Variants in ANK1 observed in about 807,000 individuals in gnomAD.
ANK1 encodes the protein ankyrin 1.
In ANK1, 51 loss-of-function variants were observed where a neutral mutation model predicts 210.4. That is an observed-to-expected ratio of 0.24 (90% CI 0.19 to 0.31). The LOEUF (loss-of-function observed/expected upper bound fraction) is 0.31. ANK1 is among the 10% of genes least tolerant of loss of function. ANK1 has a pLI of 1.00. For synonymous variants in ANK1, 967 were observed against 1,025.9 expected (o/e 0.94, Z 1.10); for missense variants, 2,051 against 2,504.4 (o/e 0.82, Z 3.86).
At chr8:41,789,496 C>T (rs191380982) in intron 1 of ANK1, among the ~76,000 whole-genome samples, 1 of 152,342 alleles carries the variant, frequency 6.6e-6, no homozygotes, top group Admixed American at 6.5e-5. Context: ...GTCAGGCACT[C>T]TGGCTGCGGT....
intron 1 of ANK1, among the ~76,000 whole-genome samples, chr8:41,860,836 G>A (rs1407113426): frequency 6.6e-6 from 1 of 152,208 alleles, no homozygotes; most frequent in Non-Finnish European, 1.5e-5. Context: ...CAGGGCCTGA[G>A]CGCCTCCCCT....
intron 1 of ANK1, among the ~76,000 whole-genome samples, chr8:41,876,245 G>T (rs1381488049): frequency 6.6e-6 from 1 of 151,776 alleles, no homozygotes; most frequent in Admixed American, 6.6e-5. Context: ...CTCCAGCCGC[G>T]GCACCCTGGC....
chr8:41,680,431 C>T lies in ANK1; in HGVS notation c.4537+4113G>A, dbSNP rs188661849. Among the ~76,000 whole-genome samples the T allele has an allele frequency of 4.3e-3, 657 of 152,040 alleles. 4 individuals are homozygous for T. The highest frequency in any genetic ancestry group is 0.014 in the African/African-American group (583 of 41,434). ...TATAAAAATTATCTGGGTATGGTGG[C>T]GGGCACCTGTAGTCCCAGCTACTCG... is the stretch of plus-strand genomic sequence containing the variant. On this transcript the variant is annotated intron_variant, in intron 37 of 42. Transcript: ENST00000289734.
intron 1 of ANK1, among the ~76,000 whole-genome samples, chr8:41,765,990 G>A (rs1167233593): frequency 1.3e-5 from 2 of 152,166 alleles, no homozygotes; most frequent in African/African-American, 2.4e-5. Flanking sequence ...GACAAATCAT[G>A]ACTGACCTCA....
At chr8:41,670,397 C>T (rs938639689) in intron 38 of ANK1, among the ~76,000 whole-genome samples, 1 of 152,016 alleles carries the variant, frequency 6.6e-6, no homozygotes, top group Non-Finnish European at 1.5e-5. Context: ...CGTTCATGAA[C>T]CCAGTTAGCA....
rs143137281 is a variant in ANK1, at chr8:41,831,639, CAAAA to C, written c.126+64712_126+64715del. On this transcript the variant is annotated intron_variant, in intron 1 of 42. Coordinates refer to the ANK1 transcript ENST00000265709. ...ACTCCAGTGCAGAGCAAAAGTCTGT[CAAAA>C]AAAAAAAAAAAAGAAGAAGAAAAAG... 5.5e-4 allele frequency among the ~76,000 whole-genome samples: 32 copies of C among 58,436 alleles called. 1 individual carries two copies. In the East Asian group the frequency reaches 0.015, roughly 27 times the overall value. 38.3% of individuals were successfully genotyped at this position (58,436 alleles called of 152,430 possible). A position where few individuals can be genotyped will look rare whatever the true frequency, so the allele number is the denominator to read the frequency against.
intron 1 of ANK1, among the ~76,000 whole-genome samples, chr8:41,820,112 G>A (rs1396909384): frequency 2.6e-5 from 4 of 151,834 alleles, no homozygotes; most frequent in African/African-American, 9.7e-5. Flanking sequence ...AAACATCAGA[G>A]TTGCTCCACA....
chr8:41,658,737 A>G (rs529272222), intron 42 of ANK1, among the ~76,000 whole-genome samples: 2 of 152,258 alleles, frequency 1.3e-5, no homozygotes, highest in South Asian at 4.1e-4. Context: ...TACTAAAAAT[A>G]CAAAAATTAG....
chr8:41,882,165 T>C lies in ANK1; in HGVS notation c.126+14190A>G, dbSNP rs550188651. 2.6e-5 allele frequency among the ~76,000 whole-genome samples: 4 copies of C among 152,254 alleles called. No individual in the cohort carries two copies. In the South Asian group the frequency reaches 8.3e-4, roughly 32 times the overall value. On this transcript the variant is annotated intron_variant, in intron 1 of 42. Transcript: ENST00000265709. ...CTCCCATGTGAAATGGGAAACATGA[T>C]ACCTGCTTCTCCACAGGGTTGCTGG... is the stretch of plus-strand genomic sequence containing the variant.
chr8:41,855,484 T>A lies in ANK1; in HGVS notation c.126+40871A>T, dbSNP rs1456120866. Among the ~76,000 whole-genome samples the A allele has an allele frequency of 2.6e-5, 4 of 152,226 alleles. No homozygotes were observed. In the East Asian group the frequency reaches 5.8e-4, roughly 22 times the overall value. ...ATCACTGGGTCATGTTTAGAGAGGATTTTTCACAGAGCAAGTCAATCAAAG... is the reference window on the plus strand; with the variant it reads ...ATCACTGGGTCATGTTTAGAGAGGAATTTTCACAGAGCAAGTCAATCAAAG... On this transcript the variant is annotated intron_variant, in intron 1 of 42. Coordinates refer to the ANK1 transcript ENST00000265709.
intron 1 of ANK1, among the ~76,000 whole-genome samples, chr8:41,813,193 C>A (rs1802759058): frequency 6.6e-6 from 1 of 152,206 alleles, no homozygotes; most frequent in Non-Finnish European, 1.5e-5. Context: ...ATCTAAGTGG[C>A]CCACAGGGCA....
intron 1 of ANK1, among the ~76,000 whole-genome samples, chr8:41,762,390 A>C (rs899345025): frequency 6.6e-6 from 1 of 152,104 alleles, no homozygotes; most frequent in Admixed American, 6.5e-5. Flanking sequence ...AATGCACTTA[A>C]AATATCTCTT....
intron 4 of ANK1, 46 bp downstream of exon 4, chr8:41,727,862 C>A (rs768300687): frequency 6.3e-7 from 1 of 1,593,234 alleles, no homozygotes; most frequent in Non-Finnish European, 8.6e-7. Context: ...AGAGGAACCA[C>A]CTGTGGAAAG....
chr8:41,759,182 A>T (rs1439400992), intron 1 of ANK1, among the ~76,000 whole-genome samples: 2 of 152,164 alleles, frequency 1.3e-5, no homozygotes, highest in African/African-American at 2.4e-5. Context: ...GCAGGAAAAA[A>T]ATTAAAAATA....
At chr8:41,853,646 T>C (rs1811651126) in intron 1 of ANK1, among the ~76,000 whole-genome samples, 1 of 152,198 alleles carries the variant, frequency 6.6e-6, no homozygotes, top group Non-Finnish European at 1.5e-5. Flanking sequence ...AAATTCAATC[T>C]CTTGGTCCCT....
chr8:41,663,767 T>C (rs759817762), intron 39 of ANK1, 25 bp from the exon 40 acceptor site: 1 of 1,585,770 alleles, frequency 6.3e-7, no homozygotes, highest in East Asian at 2.2e-5. Flanking sequence ...AGGGAGAAAA[T>C]GCAAGATTGG....
exon 1 of ANK1, chr8:41,896,393 T>A (rs1563983415): frequency 6.2e-7 from 1 of 1,602,232 alleles, no homozygotes; most frequent in Admixed American, 1.7e-5. Context: ...CTCCGCTTCC[T>A]GTTGGATTCC....
chr8:41,752,805 C>CCA (rs1554597045), intron 2 of ANK1, among the ~76,000 whole-genome samples: 3 of 151,632 alleles, frequency 2.0e-5, no homozygotes, highest in African/African-American at 4.8e-5. Context: ...CAGGCCCCCC[C>CCA]CCACTGCACC....
intron 3 of ANK1, among the ~76,000 whole-genome samples, chr8:41,732,217 CTGTT>C (rs1038908576): frequency 6.6e-6 from 1 of 152,042 alleles, no homozygotes; most frequent in African/African-American, 2.4e-5. Flanking sequence ...AGGCGGCAAA[CTGTT>C]TGCTGCATGG....
Sources: gnomAD v4.1 joint callset for allele counts (sites outside exome capture counted in the v4.1 genomes callset) on GRCh38, gnomAD v4.1.1 for gene constraint, MANE v1.5 for transcripts, NCBI Gene and HGNC (gene_info 2026-07-23, HGNC 2026-07-21) for gene names.